The following GPC5 variants were observed in gnomAD, a reference collection of about 807,000 sequenced individuals.
GPC5 encodes glypican-5.
GPC5 carries 47 observed loss-of-function variants against 53.9 expected under a neutral mutation model. The observed-to-expected ratio is 0.87, with a 90% CI of 0.69 to 1.11. The LOEUF is 1.11. Ranked by LOEUF, GPC5 falls within the 50% of genes most tolerant of loss-of-function variation. GPC5 has a pLI of 0.00. For synonymous variants in GPC5, 286 were observed against 263.3 expected, an observed-to-expected ratio of 1.09 and a Z score of -0.84; for missense variants, 748 against 713.1, an observed-to-expected ratio of 1.05 and a Z score of -0.56.
intron 3 of GPC5, among the ~76,000 whole-genome samples, chr13:91,694,210 A>G (rs1275708360): frequency 2.0e-5 from 3 of 152,178 alleles, no homozygotes; most frequent in Non-Finnish European, 4.4e-5. Flanking sequence ...TTCCTCAGTG[A>G]TAAAAAGGAA....
At chr13:92,052,159 G>C (rs774167697) in intron 6 of GPC5, among the ~76,000 whole-genome samples, 2 of 152,160 alleles carry the variant, frequency 1.3e-5, no homozygotes, top group Non-Finnish European at 2.9e-5. Context: ...TAGTGTTAGA[G>C]ATATGTGAGT....
At position 92,139,666 on chromosome 13, in the gene GPC5, CAAAAA is replaced by C. The variant is rs5805729; in HGVS notation, c.1402-5149_1402-5145del. Among the ~76,000 whole-genome samples the C allele has an allele frequency of 6.1e-4, 57 of 94,148 alleles. 1 individual carries two copies. The East Asian group carries it at 0.014, about 23-fold the overall frequency. 61.8% of individuals were successfully genotyped at this position (94,148 alleles called of 152,430 possible). ...TGGGTGACAGAGTGAGATTCCGTCT[CAAAAA>C]AAAAAAAAAAAAAAGTGTTATATTT... On this transcript the variant is annotated intron_variant, in intron 6 of 7. Transcript: ENST00000377067.
chr13:92,144,954 G>T lies in GPC5; in HGVS notation c.1526G>T (p.Ser509Ile). 6.4e-7 allele frequency: 1 copy of T among 1,570,478 alleles called. No homozygotes were observed. Among genetic ancestry groups the T allele is most frequent in the Non-Finnish European group, 8.6e-7 (1 of 1,162,178 alleles). The change falls in exon 7 of 8, where the codon AGT (serine) becomes ATT (isoleucine). Residue 509 changes from serine to isoleucine, a missense_variant. By Grantham distance (142) the Ser-to-Ile change is moderately radical. Coordinates refer to ENST00000377067, the MANE Select transcript of GPC5 (RefSeq NM_004466.6). ...GAAGATGGTTGCGGGGGATCAGGAAGTGGAGAAGTCAAGAGGACACTGAAG... is the reference window on the plus strand; with the variant it reads ...GAAGATGGTTGCGGGGGATCAGGAATTGGAGAAGTCAAGAGGACACTGAAG... ...DDEDGCGGSG[S>I]GEVKRTLKIT...
At chr13:92,017,997 C>G (rs1251242336) in intron 6 of GPC5, among the ~76,000 whole-genome samples, 1 of 150,934 alleles carries the variant, frequency 6.6e-6, no homozygotes, top group Non-Finnish European at 1.5e-5. Context: ...CACACACACA[C>G]GAGTACACAC....
intron 7 of GPC5, among the ~76,000 whole-genome samples, chr13:92,512,192 T>C (rs1013031906): frequency 6.6e-6 from 1 of 152,140 alleles, no homozygotes; most frequent in Non-Finnish European, 1.5e-5. Context: ...TGGCAACACT[T>C]AATGATTGAT....
intron 7 of GPC5, among the ~76,000 whole-genome samples, chr13:92,614,120 C>A (rs1884600503): frequency 6.6e-6 from 1 of 152,134 alleles, no homozygotes. Flanking sequence ...TCCACCCTAT[C>A]AACTCTCACT....
At chr13:92,440,806 G>T (rs1023089071) in intron 7 of GPC5, among the ~76,000 whole-genome samples, 1 of 152,074 alleles carries the variant, frequency 6.6e-6, no homozygotes, top group Non-Finnish European at 1.5e-5. Context: ...GTGTGAAATG[G>T]TATCTTATTG....
At chr13:92,429,589 G>A (rs920334067) in intron 7 of GPC5, among the ~76,000 whole-genome samples, 1 of 151,610 alleles carries the variant, frequency 6.6e-6, no homozygotes, top group Non-Finnish European at 1.5e-5. Context: ...ATTGCTTCTA[G>A]AAGCAAAAAT....
chr13:92,336,451 T>C (rs548316263), intron 7 of GPC5, among the ~76,000 whole-genome samples: 91 of 152,216 alleles, frequency 6.0e-4, no homozygotes, highest in African/African-American at 2.0e-3. Context: ...AACAAAAACA[T>C]ATGAGAATTA....
intron 2 of GPC5, among the ~76,000 whole-genome samples, chr13:91,680,779 TC>T (rs2035490346): frequency 6.6e-6 from 1 of 152,216 alleles, no homozygotes; most frequent in Non-Finnish European, 1.5e-5. Flanking sequence ...AAGATGCTGT[TC>T]ACAGATTGAA....
chr13:92,857,222 A>G (rs2138851227), intron 7 of GPC5, among the ~76,000 whole-genome samples: 1 of 152,240 alleles, frequency 6.6e-6, no homozygotes, highest in East Asian at 1.9e-4. Flanking sequence ...TGGGGAACAG[A>G]CTCCCTATTC....
chr13:92,443,681 A>G (rs879808364), intron 7 of GPC5, among the ~76,000 whole-genome samples: 29 of 152,200 alleles, frequency 1.9e-4, no homozygotes, highest in African/African-American at 4.3e-4. Flanking sequence ...AGTAATGATA[A>G]TATATTGCTG....
At chr13:91,555,989 TCACCAGCTCATTGGAA>T (rs2030924743) in intron 2 of GPC5, among the ~76,000 whole-genome samples, 1 of 152,000 alleles carries the variant, frequency 6.6e-6, no homozygotes. Context: ...CCAAACCATA[TCACCAGCTCATTGGAA>T]CACCAAGGTG....
At chr13:91,837,236 A>C (rs1331143374) in intron 5 of GPC5, among the ~76,000 whole-genome samples, 3 of 151,922 alleles carry the variant, frequency 2.0e-5, no homozygotes, top group Non-Finnish European at 4.4e-5. Flanking sequence ...TTTTATTAAA[A>C]ATTTTTGAGA....
intron 7 of GPC5, among the ~76,000 whole-genome samples, chr13:92,487,344 C>A (rs1217031105): frequency 2.0e-5 from 3 of 152,078 alleles, no homozygotes; most frequent in African/African-American, 7.2e-5. Context: ...ACCAATGGAG[C>A]CCTATACAAC....
At chr13:92,258,365 A>G (rs184847968) in intron 7 of GPC5, among the ~76,000 whole-genome samples, 3 of 152,334 alleles carry the variant, frequency 2.0e-5, no homozygotes, top group African/African-American at 7.2e-5. Flanking sequence ...CTTGTAATAA[A>G]TACAACTTAC....
chr13:91,711,994 CTG>C lies in GPC5; in HGVS notation c.1021-16537_1021-16536del, dbSNP rs538768490. 2.6e-3 allele frequency among the ~76,000 whole-genome samples: 394 copies of C among 152,252 alleles called. 2 individuals carry two copies. Among genetic ancestry groups the C allele is most frequent in the Non-Finnish European group, 4.6e-3 (316 of 68,026 alleles). ...GGACTCTAAGAACACGGTTCAGAAA[CTG>C]AATCCCTTTGAAAAATCTATGTGCA... On this transcript the variant is annotated intron_variant, in intron 3 of 7. Coordinates refer to ENST00000377067, the MANE Select transcript of GPC5 (RefSeq NM_004466.6).
intron 7 of GPC5, among the ~76,000 whole-genome samples, chr13:92,170,070 ATGTT>A (rs1245579715): frequency 3.9e-5 from 6 of 152,148 alleles, no homozygotes; most frequent in Non-Finnish European, 5.9e-5. Flanking sequence ...TTCTAGGAAA[ATGTT>A]TGAAATATCA....
chr13:92,398,795 A>G (rs1875417967), intron 7 of GPC5, among the ~76,000 whole-genome samples: 2 of 152,172 alleles, frequency 1.3e-5, no homozygotes. Context: ...CCATAGTTGC[A>G]GTTCCAAAAA....
Sources: allele counts gnomAD v4.1 joint callset (sites outside exome capture counted in the v4.1 genomes callset), GRCh38; gene constraint gnomAD v4.1.1; transcripts MANE v1.5; gene names NCBI Gene and HGNC (gene_info 2026-07-23, HGNC 2026-07-21).